RAD23A: variants seen among roughly 807,000 people sequenced by gnomAD.
RAD23A encodes the protein lysine-specific demethylase RAD23A.
RAD23A carries 16 observed loss-of-function variants against 44.8 expected under a neutral mutation model. The ratio of observed to expected loss-of-function variants is 0.36; its 90% confidence interval spans 0.24 to 0.54. The LOEUF is 0.54. Ranked by LOEUF, RAD23A falls within the 20% of genes least tolerant of loss-of-function variation. The probability of loss-of-function intolerance (pLI) is 0.89; values close to 1 mark genes in which losing one functional copy is unlikely to be tolerated. For missense variants in RAD23A, 380 were observed against 483.3 expected, an observed-to-expected ratio of 0.79 and a Z score of 2.00; for synonymous variants, 217 against 202.9, an observed-to-expected ratio of 1.07 and a Z score of -0.59.
chr19:12,949,430 G>T, intron 7 of RAD23A, 22 bp downstream of exon 7: 1 of 1,604,814 alleles, frequency 6.2e-7, no homozygotes, highest in Non-Finnish European at 8.5e-7. Context: ...AGGGCAGAGG[G>T]AGCTAGGGCA....
In RAD23A at chr19:12,947,832, G is replaced by C; in HGVS notation, c.73-16G>C. Reference sequence around the variant, plus strand: ...ATCTTGGGGTCTCCAGTGACTGTCTGTACCACTCCCTCTAGGTGAAGGTGC... The same window carrying C: ...ATCTTGGGGTCTCCAGTGACTGTCTCTACCACTCCCTCTAGGTGAAGGTGC... On this transcript the variant is annotated splice_polypyrimidine_tract_variant and intron_variant, in intron 1 of 8. Coordinates refer to ENST00000586534, the MANE Select transcript of RAD23A (RefSeq NM_005053.4). 1 of 1,612,422 alleles carries C rather than the reference G, an allele frequency of 6.2e-7. No individual in the cohort carries two copies. Among genetic ancestry groups the C allele is most frequent in the Non-Finnish European group, 8.5e-7 (1 of 1,179,632 alleles).
chr19:12,947,807 A>C, intron 1 of RAD23A, 41 bp from the exon 2 acceptor site: 1 of 1,601,016 alleles, frequency 6.2e-7, no homozygotes. Context: ...GGAAAAGAGA[A>C]TCTTGGGGTC....
chr19:12,949,665 T>C, intron 7 of RAD23A: 4 of 538,962 alleles, frequency 7.4e-6, no homozygotes, highest in Non-Finnish European at 1.3e-5. Flanking sequence ...AGCCTGTCAT[T>C]CCCAGGGTCA....
chr19:12,948,601 A>G lies in RAD23A; in HGVS notation c.472+49A>G. On this transcript the variant is annotated intron_variant, in intron 4 of 8. Coordinates refer to ENST00000586534, the MANE Select transcript of RAD23A (RefSeq NM_005053.4). This position sits in a 1 kb window ranked among gnomAD's most constrained non-coding sequence, Gnocchi z 5.5. ...GAGGTGACTGGGTGCCCCAGCCATC[A>G]GCTGGGCCTTGTCTGGGTGCGGGAG... 3.2e-6 allele frequency: 5 copies of G among 1,574,730 alleles called. No individual in the cohort carries two copies. Among genetic ancestry groups the G allele is most frequent in the South Asian group, 1.2e-5 (1 of 86,314 alleles).
intron 1 of RAD23A, 64 bp from the exon 2 acceptor site, chr19:12,947,784 C>T: frequency 1.3e-6 from 2 of 1,558,506 alleles, no homozygotes; most frequent in Admixed American, 3.4e-5. Context: ...GTTTCTCTGT[C>T]CTAAACTAGA....
chr19:12,952,112 G>A (rs935675299), intron 7 of RAD23A, among the ~76,000 whole-genome samples: 5 of 152,166 alleles, frequency 3.3e-5, no homozygotes, highest in African/African-American at 7.2e-5. Flanking sequence ...TAGTAGAGAC[G>A]GAGTTTCACC....
At position 12,948,048 on chromosome 19, in the gene RAD23A, G is replaced by C. The variant is rs373632336; in HGVS notation, c.234+39G>C. 3 of 1,609,618 alleles carry C rather than the reference G, an allele frequency of 1.9e-6. No homozygotes were observed. In the African/African-American group the frequency reaches 4.0e-5, roughly 21 times the overall value. The stretch of plus-strand genomic sequence containing the variant: ...GCTGGCTGGGAGGGTGGGTGGACGA[G>C]CTGGGGAGCTGGCAAAGAGCCTGTG... On this transcript the variant is annotated intron_variant, in intron 2 of 8. Transcript: ENST00000586534. This position sits in a 1 kb window ranked among gnomAD's most constrained non-coding sequence, Gnocchi z 5.5.
intron 7 of RAD23A, among the ~76,000 whole-genome samples, chr19:12,950,744 C>T (rs1237263018): frequency 6.6e-6 from 1 of 152,052 alleles, no homozygotes; most frequent in African/African-American, 2.4e-5. Flanking sequence ...TGATCAGATG[C>T]ATACAATGGT....
chr19:12,950,978 C>T (rs113229768), intron 7 of RAD23A, among the ~76,000 whole-genome samples: 8 of 152,294 alleles, frequency 5.3e-5, no homozygotes, highest in African/African-American at 1.4e-4. Flanking sequence ...GCAGGAGAAT[C>T]GCTTGAACCC....
chr19:12,948,385 T>G lies in RAD23A; in HGVS notation c.416+27T>G. ...TAAGGCGGGGGCAGCAGTCCCAGCT[T>G]GGGCCCTGTCCTCCTAGCACATTCC... On this transcript the variant is annotated intron_variant, in intron 3 of 8. Transcript: ENST00000586534. This position sits in a 1 kb window ranked among gnomAD's most constrained non-coding sequence, Gnocchi z 5.5. 6.4e-7 allele frequency: 1 copy of G among 1,558,310 alleles called. No homozygotes were observed. Among genetic ancestry groups the G allele is most frequent in the South Asian group, 1.2e-5 (1 of 82,562 alleles).
rs752902956 is a variant in RAD23A, at chr19:12,952,725, C to G, written c.850C>G (p.Leu284Val). Residue 284 changes from leucine (L) to valine (V), a missense_variant, in exon 8 of 9, where the codon CTG becomes GTG. Leu to Val is a conservative substitution (Grantham distance 32). Around this residue, in one of 3 missense-constraint regions of RAD23A, gnomAD observed 279 missense variants for 313.7 expected, o/e 0.89. Transcript: ENST00000586534. ...GCACCAGGAGCAGTTCATCCAGATG[C>G]TGAACGAGCCCCCTGGGGAGCTGGC... ...SRHQEQFIQMLNEPPGELADI... is the reference protein window; with the variant it reads ...SRHQEQFIQMVNEPPGELADI... The G allele has an allele frequency of 6.2e-7, 1 of 1,612,278 alleles. No homozygotes were observed. Among genetic ancestry groups the G allele is most frequent in the Non-Finnish European group, 8.5e-7 (1 of 1,179,514 alleles).
At chr19:12,947,782 G>T in intron 1 of RAD23A, 66 bp from the exon 2 acceptor site, 2 of 1,552,798 alleles carry the variant, frequency 1.3e-6, no homozygotes, top group Admixed American at 3.4e-5. Flanking sequence ...CAGTTTCTCT[G>T]TCCTAAACTA....
chr19:12,947,849 T>C lies in RAD23A; in HGVS notation c.74T>C (p.Val25Ala). Residue 25 changes from valine (V) to alanine (A), a missense_variant and splice_region_variant, in exon 2 of 9, where the codon GTG becomes GCG. Physicochemically the swap from Val to Ala is moderately conservative, Grantham distance 64. Transcript: ENST00000586534. The part of the protein sequence containing the change: ...FKIRMEPDET[V>A]KVLKEKIEAE... ...GACTGTCTGTACCACTCCCTCTAGGTGAAGGTGCTAAAGGAGAAGATAGAA... is the reference window on the plus strand; with the variant it reads ...GACTGTCTGTACCACTCCCTCTAGGCGAAGGTGCTAAAGGAGAAGATAGAA... The C allele has an allele frequency of 6.2e-7, 1 of 1,613,216 alleles. No homozygotes were observed. Among genetic ancestry groups the C allele is most frequent in the Non-Finnish European group, 8.5e-7 (1 of 1,179,874 alleles).
intron 1 of RAD23A, 124 bp from the exon 2 acceptor site, chr19:12,947,724 G>A (rs1971704264): frequency 1.2e-6 from 1 of 856,868 alleles, no homozygotes. Context: ...TAGATGCTGA[G>A]AAAGCTTAAA....
Position 12,948,170 on chromosome 19 carries a change from G to T in RAD23A, c.235-7G>T, listed in dbSNP as rs1971713914. On this transcript the variant is annotated splice_region_variant and splice_polypyrimidine_tract_variant and intron_variant, in intron 2 of 8. Transcript: ENST00000586534. This position sits in a 1 kb window ranked among gnomAD's most constrained non-coding sequence, Gnocchi z 5.5. ...TGATGCCAGCTCCCTTTTTCTTGCT[G>T]TTGCAGACCAAAGCCGGCCAGGGTA... 6.2e-7 allele frequency: 1 copy of T among 1,613,956 alleles called. No homozygotes were observed. The highest frequency in any genetic ancestry group is 8.5e-7 in the Non-Finnish European group (1 of 1,179,980).
chr19:12,946,084 G>A lies in RAD23A; in HGVS notation c.72+64G>A, dbSNP rs573325163. 1.2e-4 allele frequency: 61 copies of A among 512,224 alleles called. 1 individual carries two copies. The East Asian group carries it at 3.1e-3, about 26-fold the overall frequency. 31.7% of individuals were successfully genotyped at this position (512,224 alleles called of 1,614,324 possible). On this transcript the variant is annotated intron_variant, in intron 1 of 8. Transcript: ENST00000586534. ...GTTTCGGGGGTGGGGTGGGGGCGGG[G>A]AGGCTAGAATCCCAACGGGAGGGGC...
chr19:12,949,025 G>T, intron 5 of RAD23A, 56 bp from the exon 6 acceptor site: 1 of 1,575,846 alleles, frequency 6.3e-7, no homozygotes, highest in South Asian at 1.1e-5. Context: ...GCCAGGGCAT[G>T]GAGGAGGGTG....
chr19:12,953,392 C>T lies in RAD23A; in HGVS notation c.*343C>T, dbSNP rs1971868511. The T allele has an allele frequency of 5.8e-6, 1 of 173,344 alleles. No individual in the cohort carries two copies. Among genetic ancestry groups the T allele is most frequent in the South Asian group, 1.8e-4 (1 of 5,410 alleles). 10.7% of individuals were successfully genotyped at this position (173,344 alleles called of 1,614,324 possible). A position where few individuals can be genotyped will look rare whatever the true frequency, so the allele number is the denominator to read the frequency against. The stretch of plus-strand genomic sequence containing the variant: ...TTGCCTCTCCATCCTCCGAAAAACC[C>T]CTGAGGACCCCCCCCCATCCTCTTC... On this transcript the variant is annotated 3_prime_UTR_variant, in exon 9 of 9. Coordinates refer to ENST00000586534, the MANE Select transcript of RAD23A (RefSeq NM_005053.4).
At chr19:12,951,992 G>A (rs184402829) in intron 7 of RAD23A, among the ~76,000 whole-genome samples, 118 of 152,078 alleles carry the variant, frequency 7.8e-4, no homozygotes, top group African/African-American at 2.5e-3. Flanking sequence ...GCACAGTCTC[G>A]GCTCCCTGCA....
Sources: allele counts gnomAD v4.1 joint callset (sites outside exome capture counted in the v4.1 genomes callset), GRCh38; gene constraint gnomAD v4.1.1; regional missense constraint gnomAD v4.1.1; non-coding constraint Gnocchi (gnomAD v3.1); transcripts MANE v1.5; gene names NCBI Gene and HGNC (gene_info 2026-07-23, HGNC 2026-07-21).